The following VGLL4 variants were observed in gnomAD, a reference collection of about 807,000 sequenced individuals.
VGLL4 encodes transcription cofactor vestigial-like protein 4.
VGLL4 carries 7 observed loss-of-function variants against 21.0 expected under a neutral mutation model. The ratio of observed to expected loss-of-function variants is 0.33; its 90% confidence interval spans 0.19 to 0.63. The LOEUF (loss-of-function observed/expected upper bound fraction) is 0.63. Among genes scored for constraint, VGLL4 ranks in the 20% least tolerant of loss-of-function variants. VGLL4 has a pLI of 0.78. For synonymous variants in VGLL4, 222 were observed against 173.2 expected (o/e 1.28, Z -2.21); for missense variants, 394 against 425.7 (o/e 0.93, Z 0.66).
intron 2 of VGLL4, among the ~76,000 whole-genome samples, chr3:11,583,904 C>G (rs138315117): frequency 6.6e-5 from 10 of 152,304 alleles, no homozygotes; most frequent in Admixed American, 6.5e-4. Flanking sequence ...GATGGACTGA[C>G]GAAGTGATGA....
intron 2 of VGLL4, among the ~76,000 whole-genome samples, chr3:11,594,762 G>A (rs187266673): frequency 6.6e-6 from 1 of 152,346 alleles, no homozygotes; most frequent in East Asian, 1.9e-4. Context: ...CCAAACACAG[G>A]GGACTGGTTG....
chr3:11,604,272 T>TCCAAA (rs879805593), intron 1 of VGLL4: 8 of 623,472 alleles, frequency 1.3e-5, no homozygotes, highest in East Asian at 1.6e-4. Flanking sequence ...AAGCACGGTT[T>TCCAAA]GCCTCATTTG....
chr3:11,659,304 GTTTTCTTTTCTTTTTCTTTTTCTT>G (rs1245536804), intron 2 of VGLL4, among the ~76,000 whole-genome samples: 14 of 133,098 alleles, frequency 1.1e-4, no homozygotes, highest in African/African-American at 3.9e-4. Flanking sequence ...TTTTTTTTCT[GTTTTCTTTTCTTTTTCTTTTTCTT>G]TTTTTTTTTT....
chr3:11,571,783 C>A (rs544696253), intron 2 of VGLL4, among the ~76,000 whole-genome samples: 1 of 152,166 alleles, frequency 6.6e-6, no homozygotes, highest in Non-Finnish European at 1.5e-5. Flanking sequence ...CCATCTATTG[C>A]GAGACAGCTG....
intron 3 of VGLL4, among the ~76,000 whole-genome samples, chr3:11,561,537 C>T (rs2073004811): frequency 6.6e-6 from 1 of 152,210 alleles, no homozygotes; most frequent in Admixed American, 6.5e-5. Flanking sequence ...GGCTCCACCA[C>T]CCCTCCTCCC....
At chr3:11,611,570 T>A (rs1050257428) in intron 1 of VGLL4, 5 of 152,264 alleles carry the variant, frequency 3.3e-5, no homozygotes, top group Admixed American at 1.3e-4. Flanking sequence ...AGGACGGGAC[T>A]GAAACCTGGT....
At chr3:11,703,402 G>A (rs2076711016) in intron 1 of VGLL4, among the ~76,000 whole-genome samples, 1 of 152,212 alleles carries the variant, frequency 6.6e-6, no homozygotes, top group Non-Finnish European at 1.5e-5. Context: ...CAGAACAACG[G>A]CTGCTCTATG....
intron 2 of VGLL4, among the ~76,000 whole-genome samples, chr3:11,665,876 G>A (rs1191812310): frequency 6.6e-6 from 1 of 152,194 alleles, no homozygotes. Context: ...CACAGGTAGG[G>A]GCAAGAGACA....
chr3:11,658,671 C>CTTTTTTTTTTTTTTTTT (rs2075991418), intron 2 of VGLL4, among the ~76,000 whole-genome samples: 1 of 126,728 alleles, frequency 7.9e-6, no homozygotes, highest in African/African-American at 3.3e-5. Context: ...ATGTGGCACG[C>CTTTTTTTTTTTTTTTTT]TATTCTTCAT....
intron 2 of VGLL4, among the ~76,000 whole-genome samples, chr3:11,656,870 G>A (rs1250507551): frequency 1.3e-5 from 2 of 152,156 alleles, no homozygotes; most frequent in African/African-American, 4.8e-5. Context: ...GCCCTGGTCA[G>A]GCATTCAGAT....
chr3:11,671,764 C>G (rs1490286596), intron 2 of VGLL4, among the ~76,000 whole-genome samples: 4 of 152,082 alleles, frequency 2.6e-5, no homozygotes, highest in Non-Finnish European at 5.9e-5. Flanking sequence ...TTCCACGAAG[C>G]CAGACCCTGG....
chr3:11,712,524 C>G lies in VGLL4; in HGVS notation c.-14+7870G>C, dbSNP rs2076861495. 2.0e-5 allele frequency among the ~76,000 whole-genome samples: 3 copies of G among 152,228 alleles called. No homozygotes were observed. In the East Asian group the frequency reaches 5.8e-4, roughly 29 times the overall value. ...TTGGATTCTCACAATCAAATTATTA[C>G]TTAGGCCAAATGGCCAAATATGATT... On this transcript the variant is annotated intron_variant, in intron 1 of 5. Coordinates refer to the VGLL4 transcript ENST00000273038.
chr3:11,685,561 G>GGT (rs1171881925), intron 2 of VGLL4, among the ~76,000 whole-genome samples: 1 of 152,102 alleles, frequency 6.6e-6, no homozygotes, highest in Non-Finnish European at 1.5e-5. Context: ...TTGTTATTGT[G>GGT]AACAGAGCTG....
intron 2 of VGLL4, among the ~76,000 whole-genome samples, chr3:11,589,127 G>T (rs1188141996): frequency 1.3e-5 from 2 of 152,084 alleles, no homozygotes; most frequent in Non-Finnish European, 2.9e-5. Context: ...AATCAAATAA[G>T]ACAAGGGACT....
At chr3:11,630,126 A>C (rs1423802295) in intron 1 of VGLL4, among the ~76,000 whole-genome samples, 1 of 152,210 alleles carries the variant, frequency 6.6e-6, no homozygotes, top group Non-Finnish European at 1.5e-5. Flanking sequence ...TCTGCCATGA[A>C]ATTAGGCAAG....
At chr3:11,588,562 C>T (rs899218940) in intron 2 of VGLL4, among the ~76,000 whole-genome samples, 2 of 152,246 alleles carry the variant, frequency 1.3e-5, no homozygotes, top group African/African-American at 4.8e-5. Flanking sequence ...CCTTCTGACA[C>T]TCGAGCACCA....
At chr3:11,574,510 C>T (rs1226459032) in intron 2 of VGLL4, among the ~76,000 whole-genome samples, 1 of 152,098 alleles carries the variant, frequency 6.6e-6, no homozygotes, top group South Asian at 2.1e-4. Flanking sequence ...AAGGTAGGGG[C>T]TGGAGAGATT....
chr3:11,651,572 T>C (rs2075873333), intron 2 of VGLL4, among the ~76,000 whole-genome samples: 1 of 151,954 alleles, frequency 6.6e-6, no homozygotes, highest in African/African-American at 2.4e-5. Context: ...TATACTTCAT[T>C]CTAAAACAAA....
chr3:11,592,633 G>A lies in VGLL4; in HGVS notation c.272+9200C>T, dbSNP rs537983811. Reference sequence around the variant, plus strand: ...CAGGCATTAGGGTCCAGTATCGAATGATTCATCGCAGTTGGATATGTGTGC... The same window carrying A: ...CAGGCATTAGGGTCCAGTATCGAATAATTCATCGCAGTTGGATATGTGTGC... On this transcript the variant is annotated intron_variant, in intron 2 of 4. Transcript: ENST00000430365. Among the ~76,000 whole-genome samples the A allele has an allele frequency of 1.5e-3, 231 of 152,308 alleles. 3 individuals carry two copies. The highest frequency in any genetic ancestry group is 1.7e-3 in the South Asian group (8 of 4,822).
Sources: allele counts gnomAD v4.1 joint callset (sites outside exome capture counted in the v4.1 genomes callset), GRCh38; gene constraint gnomAD v4.1.1; transcripts MANE v1.5; gene names NCBI Gene and HGNC (gene_info 2026-07-23, HGNC 2026-07-21).